AHNAK2: variants seen among roughly 807,000 people sequenced by gnomAD.
AHNAK2 encodes AHNAK nucleoprotein 2, also known as protein AHNAK2.
AHNAK2 carries 18 observed loss-of-function variants against 30.7 expected under a neutral mutation model. The observed-to-expected ratio is 0.59, with a 90% CI of 0.41 to 0.87. AHNAK2 has a LOEUF of 0.87. Among genes scored for constraint, AHNAK2 ranks in the 40% least tolerant of loss-of-function variants. The pLI is 0.00. For synonymous variants in AHNAK2, 3,590 were observed against 3,073.8 expected, an observed-to-expected ratio of 1.17 and a Z score of -5.56; for missense variants, 8,604 against 7,373.0, an observed-to-expected ratio of 1.17 and a Z score of -6.11.
chr14:104,944,381 G>A lies in AHNAK2; in HGVS notation c.11070C>T (p.Pro3690=), dbSNP rs780130969. The A allele has an allele frequency of 6.2e-7, 1 of 1,612,588 alleles. No individual in the cohort carries two copies. The highest frequency in any genetic ancestry group is 1.7e-4 in the Middle Eastern group (1 of 6,050). Residue 3690 remains proline (P), a synonymous_variant, in exon 7 of 7, where the codon CCC becomes CCT. Coordinates refer to ENST00000333244, the MANE Select transcript of AHNAK2 (RefSeq NM_138420.4). ...DLKTTDLSIQ[P]PSADLKVQAG... is the part of the protein sequence containing the mutation. ...CCTGGACCTTCAGGTCGGCAGAAGG[G>A]GGCTGAATGCTGAGGTCAGTGGTCT...
Position 104,943,276 on chromosome 14 carries a change from A to G in AHNAK2, c.12175T>C (p.Phe4059Leu). Residue 4059 changes from phenylalanine to leucine, a missense_variant, in exon 7 of 7, where the codon TTC (phenylalanine) becomes CTC (leucine). By Grantham distance (22) the Phe-to-Leu change is conservative. Coordinates refer to ENST00000333244, the MANE Select transcript of AHNAK2 (RefSeq NM_138420.4). ...TTGAGGTCCACTTTGGGCATCTTGA[A>G]ACTGGGCATCTGCACCTTGGGCAGG... Reference protein sequence around the residue: ...GHLPKVQMPSFKMPKVDLKGP... With the variant: ...GHLPKVQMPSLKMPKVDLKGP... 6.2e-7 allele frequency: 1 copy of G among 1,612,482 alleles called. No individual in the cohort carries two copies. The highest frequency in any genetic ancestry group is 8.5e-7 in the Non-Finnish European group (1 of 1,179,404).
In AHNAK2 at chr14:104,948,981, T is replaced by A. The variant is rs1419170687; in HGVS notation, c.6470A>T (p.Lys2157Met). 5.8e-5 allele frequency: 72 copies of A among 1,245,118 alleles called. 21 individuals are homozygous for A. Among genetic ancestry groups the A allele is most frequent in the Non-Finnish European group, 8.2e-5 (72 of 878,910 alleles). The allele number at this position is 1,245,118 out of a possible 1,614,324, so 77.1% of individuals were successfully genotyped here. A position where few individuals can be genotyped will look rare whatever the true frequency, so the allele number is the denominator to read the frequency against. The change falls in exon 7 of 7, where the codon AAG (lysine) becomes ATG (methionine). Residue 2157 changes from lysine to methionine, a missense_variant. Lys to Met is a moderately conservative substitution (Grantham distance 95, BLOSUM62 -1). Transcript: ENST00000333244. The part of the protein sequence containing the change: ...TTKDSKFKMP[K>M]FKMPSFGVSA... ...CACCCCAAACGACGGCATCTTGAACTTGGGCATTTTGAACTTGCTGTCTTT... is the reference window on the plus strand; with the variant it reads ...CACCCCAAACGACGGCATCTTGAACATGGGCATTTTGAACTTGCTGTCTTT...
At position 104,944,360 on chromosome 14, in the gene AHNAK2, G is replaced by C. The variant is rs556014868; in HGVS notation, c.11091C>G (p.Val3697=). Residue 3697 remains valine, a synonymous_variant, in exon 7 of 7, where the codon GTC becomes GTG. Transcript: ENST00000333244. ...SIQPPSADLK[V]QAGQMDVKLP... is the part of the protein sequence containing the mutation. Reference sequence around the variant, plus strand: ...GCTTCACATCCATCTGGCCAGCCTGGACCTTCAGGTCGGCAGAAGGGGGCT... The same window carrying C: ...GCTTCACATCCATCTGGCCAGCCTGCACCTTCAGGTCGGCAGAAGGGGGCT... 120 of 1,612,566 alleles carry C rather than the reference G, an allele frequency of 7.4e-5. 2 individuals are homozygous for C. In the African/African-American group the frequency reaches 1.5e-3, roughly 21 times the overall value.
Position 104,964,255 on chromosome 14 carries a change from A to G in AHNAK2, c.56-6583T>C, listed in dbSNP as rs1206608175. Among the ~76,000 whole-genome samples the G allele has an allele frequency of 2.0e-5, 3 of 152,202 alleles. No homozygotes were observed. In the East Asian group the frequency reaches 5.8e-4, roughly 29 times the overall value. ...ATATGGAAAGATGGCCAGCATTTCT[A>G]GTCATCTGGGCAATGCTAACAAAAC... is the stretch of plus-strand genomic sequence containing the variant. On this transcript the variant is annotated intron_variant, in intron 1 of 6. Coordinates refer to ENST00000333244, the MANE Select transcript of AHNAK2 (RefSeq NM_138420.4).
At position 104,977,314 on chromosome 14, in the gene AHNAK2, C is replaced by T. The variant is rs1899619164; in HGVS notation, c.55+869G>A. Among the ~76,000 whole-genome samples the T allele has an allele frequency of 1.3e-5, 2 of 152,196 alleles. 1 individual carries two copies. Among genetic ancestry groups the T allele is most frequent in the South Asian group, 4.1e-4 (2 of 4,838 alleles). On this transcript the variant is annotated intron_variant, in intron 1 of 6. Transcript: ENST00000333244. ...ACCCAGCGCCCAAGGGACTGCCCTG[C>T]CCCCCTCAGCCCTGCCCTCCAAGAT...
At position 104,950,134 on chromosome 14, in the gene AHNAK2, G is replaced by A. The variant is rs761527077; in HGVS notation, c.5317C>T (p.Pro1773Ser). The A allele has an allele frequency of 6.3e-7, 1 of 1,586,682 alleles. No individual in the cohort carries two copies. Among genetic ancestry groups the A allele is most frequent in the Non-Finnish European group, 8.6e-7 (1 of 1,163,026 alleles). ...TCGGGGGCCATCACCTCCGCCTTGG[G>A]GCCTTTCAGGTCCAGCTTGGGGCCC... ...VKGPKLDLKG[P>S]KAEVMAPDVE... Residue 1773 changes from proline (P) to serine (S), a missense_variant, in exon 7 of 7, where the codon CCC becomes TCC. Physicochemically the swap from Pro to Ser is moderately conservative, Grantham distance 74 (BLOSUM62 -1). Coordinates refer to ENST00000333244, the MANE Select transcript of AHNAK2 (RefSeq NM_138420.4).
chr14:104,964,660 C>CA (rs1899249471), intron 1 of AHNAK2, among the ~76,000 whole-genome samples: 1 of 152,186 alleles, frequency 6.6e-6, no homozygotes, highest in Non-Finnish European at 1.5e-5. Context: ...ATGAAGTTCA[C>CA]AAACACAAGG....
chr14:104,947,984 C>T lies in AHNAK2; in HGVS notation c.7467G>A (p.Lys2489=). 1 of 1,612,762 alleles carries T rather than the reference C, an allele frequency of 6.2e-7. No homozygotes were observed. Among genetic ancestry groups the T allele is most frequent in the Non-Finnish European group, 8.5e-7 (1 of 1,179,624 alleles). The change falls in exon 7 of 7, where the codon AAG becomes AAA. Residue 2489 remains lysine, a synonymous_variant. Transcript: ENST00000333244. ...GGGCAGACACCCCGAATGACGGCAT[C>T]TTGAACTTGGGAATTTTGAACCTGC... ...KDSRFKIPKF[K]MPSFGVSAPG... is the part of the protein sequence containing the mutation.
In AHNAK2 at chr14:104,954,543, T is replaced by G; in HGVS notation, c.908A>C (p.Gln303Pro). Residue 303 changes from glutamine to proline, a missense_variant, in exon 7 of 7, where the codon CAG (glutamine) becomes CCG (proline). Gln to Pro is a moderately conservative substitution (Grantham distance 76). Transcript: ENST00000333244. This position sits in a 1 kb window ranked among gnomAD's most constrained non-coding sequence, Gnocchi z 4.3. ...VSPTSTDTEA[Q>P]LTVERQEQKA... Reference sequence around the variant, plus strand: ...CTGCTCTTGGCGCTCCACCGTGAGCTGGGCCTCTGTGTCTGTGCTTGTAGG... The same window carrying G: ...CTGCTCTTGGCGCTCCACCGTGAGCGGGGCCTCTGTGTCTGTGCTTGTAGG... 1 of 1,609,642 alleles carries G rather than the reference T, an allele frequency of 6.2e-7. No homozygotes were observed. Among genetic ancestry groups the G allele is most frequent in the Non-Finnish European group, 8.5e-7 (1 of 1,178,166 alleles).
In AHNAK2 at chr14:104,943,473, A is replaced by G. The variant is rs757461277; in HGVS notation, c.11978T>C (p.Val3993Ala). The change falls in exon 7 of 7, where the codon GTG (valine) becomes GCG (alanine). Residue 3993 changes from valine to alanine, a missense_variant. Val to Ala is a moderately conservative substitution (Grantham distance 64). Transcript: ENST00000333244. ...GTCGGCCTCCACCTTTGGCGCGGTC[A>G]CATCCACTGATGCCTCCATGGACTT... is the stretch of plus-strand genomic sequence containing the variant. Reference protein sequence around the residue: ...PGKSMEASVDVTAPKVEADVS... With the variant: ...PGKSMEASVDATAPKVEADVS... The G allele has an allele frequency of 4.3e-6, 7 of 1,612,802 alleles. No individual in the cohort carries two copies. The highest frequency in any genetic ancestry group is 5.9e-6 in the Non-Finnish European group (7 of 1,179,550).
Position 104,949,960 on chromosome 14 carries a change from G to C in AHNAK2, c.5491C>G (p.Pro1831Ala), listed in dbSNP as rs1364716991. The C allele has an allele frequency of 3.1e-6, 5 of 1,588,746 alleles. No individual in the cohort carries two copies. The African/African-American group carries it at 5.5e-5, about 18-fold the overall frequency. ...CCTGGGGCAGACACCCCGAACGACG[G>C]CATCTTGAACTTGGGCATTTTGAAC... ...SKFKMPKFKM[P>A]SFGVSAPGKS... The change falls in exon 7 of 7, where the codon CCG becomes GCG. Residue 1831 changes from proline (P) to alanine (A), a missense_variant. Coordinates refer to ENST00000333244, the MANE Select transcript of AHNAK2 (RefSeq NM_138420.4).
intron 1 of AHNAK2, among the ~76,000 whole-genome samples, chr14:104,973,627 G>A (rs575152742): frequency 2.0e-5 from 3 of 152,250 alleles, no homozygotes; most frequent in East Asian, 1.9e-4. Context: ...GCCACATCCC[G>A]GGTACCCCCA....
chr14:104,946,638 T>G lies in AHNAK2; in HGVS notation c.8813A>C (p.Glu2938Ala), dbSNP rs1373541255. ...PKAEVTAPDV[E>A]VSLPSVEVDV... is the part of the protein sequence containing the mutation. ...CACCTCCACGCTGGGCAGAGACACCTCCACGTCGGGGGCCGTCACCTCCGC... is the reference window on the plus strand; with the variant it reads ...CACCTCCACGCTGGGCAGAGACACCGCCACGTCGGGGGCCGTCACCTCCGC... Residue 2938 changes from glutamate to alanine, a missense_variant, in exon 7 of 7, where the codon GAG (glutamate) becomes GCG (alanine). Transcript: ENST00000333244. 1.9e-6 allele frequency: 3 copies of G among 1,612,604 alleles called. No homozygotes were observed. The African/African-American group carries it at 4.0e-5, about 22-fold the overall frequency.
rs748974889 is a variant in AHNAK2 at position 104,939,209 on chromosome 14, C to T, written c.16242G>A (p.Gln5414=). The T allele has an allele frequency of 8.1e-6, 13 of 1,613,860 alleles. No homozygotes were observed. In the South Asian group the frequency reaches 1.4e-4, roughly 18 times the overall value. The change falls in exon 7 of 7, where the codon CAG becomes CAA. Residue 5414 remains glutamine (Q), a synonymous_variant. Transcript: ENST00000333244. ...DVFIPTVREV[Q]CPEANIDTAL... ...CTGTATCAATATTGGCCTCTGGACA[C>T]TGCACTTCCCTCACAGTGGGGATGA...
chr14:104,955,100 TTA>T lies in AHNAK2; in HGVS notation c.506_507del (p.Ile169LysfsTer3), dbSNP rs1408275670. On this transcript the variant is annotated frameshift_variant, in exon 6 of 7. Coordinates refer to ENST00000333244, the MANE Select transcript of AHNAK2 (RefSeq NM_138420.4). LOFTEE classifies it high-confidence loss of function. ...AGGATTTTGAGAGCATCTTCATATT[TTA>T]TGTTTTCAAAGAACACGGTTGTACT... ...LLSTTVFFEN[I>X]KYEDALKILQ... is the part of the protein sequence containing the mutation. The T allele has an allele frequency of 6.2e-7, 1 of 1,613,200 alleles. No individual in the cohort carries two copies. Among genetic ancestry groups the T allele is most frequent in the East Asian group, 2.2e-5 (1 of 44,888 alleles).
In AHNAK2 at chr14:104,951,992, G is replaced by A. The variant is rs1406439700; in HGVS notation, c.3459C>T (p.Asp1153=). 3 of 1,612,434 alleles carry A rather than the reference G, an allele frequency of 1.9e-6. No homozygotes were observed. The highest frequency in any genetic ancestry group is 1.3e-5 in the African/African-American group (1 of 74,288). ...TGCTGTCTTTGGCAGTCACATCCTT[G>A]TCGGCCAGGGACAGTTCCCCCTCCA... ...ARLEGELSLA[D]KDVTAKDSRF... The change falls in exon 7 of 7, where the codon GAC becomes GAT. Residue 1153 remains aspartate (D), a synonymous_variant. Transcript: ENST00000333244.
chr14:104,951,198 CTG>C lies in AHNAK2; in HGVS notation c.4251_4252del (p.Ser1418PhefsTer12). ...GAGGTCCACTTTGGGCACCTTGAAA[CTG>C]GGCATCTGCAGCTTGGGCAGGTGCC... On this transcript the variant is annotated frameshift_variant, in exon 7 of 7. Transcript: ENST00000333244. LOFTEE classifies it low-confidence loss of function (END_TRUNC). 2 of 1,070,164 alleles carry C rather than the reference CTG, an allele frequency of 1.9e-6. 1 individual carries two copies. The highest frequency in any genetic ancestry group is 3.2e-5 in the South Asian group (2 of 62,840). 66.3% of individuals were successfully genotyped at this position (1,070,164 alleles called of 1,614,324 possible).
rs74090129 is a variant in AHNAK2 at position 104,952,897 on chromosome 14, T to C, written c.2554A>G (p.Met852Val). Residue 852 changes from methionine (M) to valine (V), a missense_variant, in exon 7 of 7, where the codon ATG (methionine) becomes GTG (valine). By Grantham distance (21) the Met-to-Val change is conservative. Transcript: ENST00000333244. ...SFGVSAPGKS[M>V]EDSVDVSAPK... The stretch of plus-strand genomic sequence containing the variant: ...GCAGACACATCCACCGAGTCCTCCA[T>C]GGACTTGCCTGGGGCCGACACCCCG... 0.072 allele frequency: 116,124 copies of C among 1,611,744 alleles called. 9,232 individuals carry two copies. Among genetic ancestry groups the C allele is most frequent in the East Asian group, 0.31 (13,815 of 44,648 alleles).
At chr14:104,956,828 G>C (rs181156554) in intron 3 of AHNAK2, 139 bp from the exon 4 acceptor site, 10 of 752,202 alleles carry the variant, frequency 1.3e-5, no homozygotes. Flanking sequence ...TGCAGAGGCA[G>C]CCGAGTTCCT....
Sources: allele counts gnomAD v4.1 joint callset (sites outside exome capture counted in the v4.1 genomes callset), GRCh38; gene constraint gnomAD v4.1.1; non-coding constraint Gnocchi (gnomAD v3.1); transcripts MANE v1.5; gene names NCBI Gene and HGNC (gene_info 2026-07-23, HGNC 2026-07-21).